Variants in C12orf42 observed in about 807,000 individuals in gnomAD.
The protein encoded by C12orf42 is chromosome 12 open reading frame 42, also known as uncharacterized protein C12orf42.
C12orf42 carries 25 observed loss-of-function variants against 21.6 expected under a neutral mutation model. The observed-to-expected ratio is 1.16, with a 90% CI of 0.84 to 1.62. The LOEUF (loss-of-function observed/expected upper bound fraction) is 1.62. C12orf42 is among the 40% of genes most tolerant of loss of function. The pLI, the probability that C12orf42 is intolerant of heterozygous loss-of-function variation, is 0.00. For missense variants in C12orf42, 483 were observed against 459.3 expected, an observed-to-expected ratio of 1.05 and a Z score of -0.47; for synonymous variants, 174 against 175.0, an observed-to-expected ratio of 0.99 and a Z score of 0.05.
chr12:103,481,434 C>G (rs913052485), intron 1 of C12orf42, among the ~76,000 whole-genome samples: 2 of 151,876 alleles, frequency 1.3e-5, no homozygotes, highest in Admixed American at 6.6e-5. Flanking sequence ...CATCTCTCAA[C>G]AGAAGAAAAT....
At chr12:103,187,832 C>A in the C12orf42 span, among the ~76,000 whole-genome samples, 1 of 152,178 alleles carries the variant, frequency 6.6e-6, no homozygotes, top group Non-Finnish European at 1.5e-5. Flanking sequence ...CCTTTAATGG[C>A]ACTGGTCACC....
At chr12:103,194,540 GA>G in the C12orf42 span, among the ~76,000 whole-genome samples, 1 of 151,518 alleles carries the variant, frequency 6.6e-6, no homozygotes, top group East Asian at 1.9e-4. Flanking sequence ...CATACCAAAA[GA>G]AAATTCAAAA....
At chr12:103,118,762 C>T in the C12orf42 span, among the ~76,000 whole-genome samples, 2 of 105,330 alleles carry the variant, frequency 1.9e-5, no homozygotes, top group Admixed American at 1.4e-4. Flanking sequence ...TGCGCCATTG[C>T]ACTCCAGCCT....
chr12:103,220,818 G>C, the C12orf42 span, among the ~76,000 whole-genome samples: 3 of 152,214 alleles, frequency 2.0e-5, no homozygotes, highest in African/African-American at 7.2e-5. Flanking sequence ...CCAAGGGCAG[G>C]AGAGAGGGGA....
chr12:103,350,457 AAC>A (rs762983455), intron 4 of C12orf42, among the ~76,000 whole-genome samples: 7 of 152,224 alleles, frequency 4.6e-5, no homozygotes, highest in Non-Finnish European at 7.3e-5. Flanking sequence ...TAATGGCACC[AAC>A]ACACAAGAGT....
At chr12:103,054,744 G>C in the C12orf42 span, among the ~76,000 whole-genome samples, 2 of 151,884 alleles carry the variant, frequency 1.3e-5, no homozygotes, top group Non-Finnish European at 2.9e-5. Flanking sequence ...AGTTGAGGAA[G>C]TCCCTCTCTA....
chr12:103,171,669 A>G, the C12orf42 span, among the ~76,000 whole-genome samples: 1 of 152,124 alleles, frequency 6.6e-6, no homozygotes, highest in Non-Finnish European at 1.5e-5. Flanking sequence ...AGACAGTGGT[A>G]TTGAAGTATG....
chr12:103,523,079 A>G, the C12orf42 span, among the ~76,000 whole-genome samples: 1 of 152,368 alleles, frequency 6.6e-6, no homozygotes, highest in Admixed American at 6.5e-5. Flanking sequence ...CAGCAAGGCC[A>G]TCTGCTACAT....
upstream of C12orf42, among the ~76,000 whole-genome samples, chr12:103,500,349 T>A (rs1456603340): frequency 6.6e-6 from 1 of 152,242 alleles, no homozygotes; most frequent in African/African-American, 2.4e-5. Context: ...TCCCTACACT[T>A]TCTCAAATGT....
chr12:103,224,391 C>T, the C12orf42 span, among the ~76,000 whole-genome samples: 23 of 152,070 alleles, frequency 1.5e-4, no homozygotes, highest in Non-Finnish European at 2.8e-4. Flanking sequence ...GCATAACCTG[C>T]CTTTGCTGGT....
chr12:103,357,650 G>T (rs950794806), intron 4 of C12orf42, among the ~76,000 whole-genome samples: 1 of 152,130 alleles, frequency 6.6e-6, no homozygotes, highest in Non-Finnish European at 1.5e-5. Context: ...ACTGATGAGG[G>T]AATAACATGG....
At chr12:103,053,531 T>C in the C12orf42 span, among the ~76,000 whole-genome samples, 1 of 151,986 alleles carries the variant, frequency 6.6e-6, no homozygotes, top group South Asian at 2.1e-4. Flanking sequence ...TACAAATATT[T>C]TCTCCTGGTC....
the C12orf42 span, among the ~76,000 whole-genome samples, chr12:103,139,684 C>A: frequency 6.6e-6 from 1 of 152,114 alleles, no homozygotes; most frequent in Non-Finnish European, 1.5e-5. Flanking sequence ...GTCCAGAGAA[C>A]GCTGGAGATG....
the C12orf42 span, among the ~76,000 whole-genome samples, chr12:103,518,039 C>T: frequency 6.6e-6 from 1 of 151,980 alleles, no homozygotes. Flanking sequence ...TATCTTAATG[C>T]CACTGAAGGC....
chr12:103,334,108 T>C (rs1186818021), intron 4 of C12orf42, among the ~76,000 whole-genome samples: 1 of 152,224 alleles, frequency 6.6e-6, no homozygotes, highest in Non-Finnish European at 1.5e-5. Flanking sequence ...TTGTTTCTTT[T>C]GGGACAATGT....
chr12:103,487,358 G>T (rs1415799535), intron 1 of C12orf42, among the ~76,000 whole-genome samples: 2 of 152,210 alleles, frequency 1.3e-5, no homozygotes, highest in Non-Finnish European at 2.9e-5. Context: ...ATTTGCTGAG[G>T]AGTGCTTTAC....
At chr12:103,479,533 T>G (rs1269285304) in intron 1 of C12orf42, among the ~76,000 whole-genome samples, 1 of 152,136 alleles carries the variant, frequency 6.6e-6, no homozygotes, top group East Asian at 1.9e-4. Flanking sequence ...TAACAGAAAT[T>G]CATACATTTC....
chr12:103,319,830 C>A (rs543443595), intron 4 of C12orf42, among the ~76,000 whole-genome samples: 11 of 152,294 alleles, frequency 7.2e-5, no homozygotes, highest in African/African-American at 2.4e-4. Flanking sequence ...GTGCTGAGCA[C>A]AGCACTTTGA....
chr12:103,380,534 C>A (rs768556753), intron 3 of C12orf42, among the ~76,000 whole-genome samples: 1 of 151,928 alleles, frequency 6.6e-6, no homozygotes, highest in African/African-American at 2.4e-5. Flanking sequence ...ATTATTTAAA[C>A]GAGGAATTAG....
Sources: allele counts gnomAD v4.1 joint callset (sites outside exome capture counted in the v4.1 genomes callset), GRCh38; gene constraint gnomAD v4.1.1; transcripts MANE v1.5; gene names NCBI Gene and HGNC (gene_info 2026-07-23, HGNC 2026-07-21).